The following ATXN10 variants were observed in gnomAD, a reference collection of about 807,000 sequenced individuals.
ATXN10 encodes the protein ataxin 10.
In ATXN10, 28 loss-of-function variants were observed where a neutral mutation model predicts 52.9. The ratio of observed to expected loss-of-function variants is 0.53; its 90% CI spans 0.39 to 0.73. ATXN10 has a LOEUF of 0.73. Ranked by LOEUF, ATXN10 falls within the 30% of genes least tolerant of loss-of-function variation. ATXN10 has a pLI of 0.00. For missense variants in ATXN10, 565 were observed against 577.0 expected, an observed-to-expected ratio of 0.98 and a Z score of 0.21; for synonymous variants, 226 against 221.5, an observed-to-expected ratio of 1.02 and a Z score of -0.18.
At position 45,843,202 on chromosome 22, in the gene ATXN10, C is replaced by A; in HGVS notation, c.1425+24C>A. On this transcript the variant is annotated intron_variant, in intron 11 of 11. Transcript: ENST00000252934. This position sits in a 1 kb window ranked among gnomAD's most constrained non-coding sequence, Gnocchi z 4.5. ...CAGTAAGTACCCTCGAGGGAACTGTCCTTCCCTTTGGTTTGTAGAAAGCTG... is the reference window on the plus strand; with the variant it reads ...CAGTAAGTACCCTCGAGGGAACTGTACTTCCCTTTGGTTTGTAGAAAGCTG... 1 of 1,611,894 alleles carries A rather than the reference C, an allele frequency of 6.2e-7. No homozygotes were observed. The highest frequency in any genetic ancestry group is 1.1e-5 in the South Asian group (1 of 90,974).
rs928133383 is a variant in ATXN10 at position 45,733,243 on chromosome 22, A to T, written c.894+3653A>T. On this transcript the variant is annotated intron_variant, in intron 7 of 11. Transcript: ENST00000252934. The surrounding 1 kb of genome is among the most constrained non-coding windows in gnomAD (Gnocchi z 4.4). ...TTTGCATTCTGTTTTAATCTTTGCA[A>T]CCCCAGGTTAGGCCATACTGTAGTA... 6.6e-6 allele frequency among the ~76,000 whole-genome samples: 1 copy of T among 151,960 alleles called. No homozygotes were observed. The highest frequency in any genetic ancestry group is 2.1e-4 in the South Asian group (1 of 4,824).
chr22:45,695,870 T>C (rs1923587310), intron 3 of ATXN10, among the ~76,000 whole-genome samples: 1 of 152,206 alleles, frequency 6.6e-6, no homozygotes, highest in African/African-American at 2.4e-5. Flanking sequence ...GATGGTCTTT[T>C]TTCACAGGTG....
intron 9 of ATXN10, among the ~76,000 whole-genome samples, chr22:45,751,751 A>AT (rs1323661369): frequency 1.8e-4 from 17 of 95,482 alleles, no homozygotes; most frequent in African/African-American, 4.8e-4. Context: ...AAAAAAAAAA[A>AT]AAATAAAAAA....
rs551902592 is a variant in ATXN10 at position 45,688,211 on chromosome 22, G to A, written c.117-1501G>A. Among the ~76,000 whole-genome samples, 7 of 152,248 alleles carry A rather than the reference G, an allele frequency of 4.6e-5. No individual in the cohort carries two copies. The highest frequency in any genetic ancestry group is 2.1e-4 in the South Asian group (1 of 4,826). ...TTCTTAATTTGGTCACTCAGTTGCC[G>A]AGACACTGAGTCAAAGTTTCATTAT... On this transcript the variant is annotated intron_variant, in intron 1 of 11. Transcript: ENST00000252934. This position sits in a 1 kb window ranked among gnomAD's most constrained non-coding sequence, Gnocchi z 4.0.
rs1024332134 is a variant in ATXN10 at position 45,835,534 on chromosome 22, C to T, written c.1238-7457C>T. Among the ~76,000 whole-genome samples, 4 of 152,210 alleles carry T rather than the reference C, an allele frequency of 2.6e-5. No individual in the cohort carries two copies. Among genetic ancestry groups the T allele is most frequent in the Non-Finnish European group, 4.4e-5 (3 of 68,034 alleles). ...AGTGAATGGGCCTTCGTTTCAGCATCTTTAATAAAGTACTGATTTGGGTTA... is the reference window on the plus strand; with the variant it reads ...AGTGAATGGGCCTTCGTTTCAGCATTTTTAATAAAGTACTGATTTGGGTTA... On this transcript the variant is annotated intron_variant, in intron 10 of 11. Coordinates refer to ENST00000252934, the MANE Select transcript of ATXN10 (RefSeq NM_013236.4). The surrounding 1 kb of genome is among the most constrained non-coding windows in gnomAD (Gnocchi z 5.0).
chr22:45,795,954 C>T lies in ATXN10; in HGVS notation c.1174-11005C>T, dbSNP rs1927722782. Among the ~76,000 whole-genome samples, 2 of 152,172 alleles carry T rather than the reference C, an allele frequency of 1.3e-5. No homozygotes were observed. Among genetic ancestry groups the T allele is most frequent in the Non-Finnish European group, 2.9e-5 (2 of 68,040 alleles). On this transcript the variant is annotated intron_variant, in intron 9 of 11. Transcript: ENST00000252934. The surrounding 1 kb of genome is among the most constrained non-coding windows in gnomAD (Gnocchi z 4.6). ...GTTTGAACAATATGAAATTTGGGCA[C>T]CTTGAAAAAGAACTGGGTAACAGCG...
At chr22:45,834,138 A>C (rs1451141631) in intron 10 of ATXN10, among the ~76,000 whole-genome samples, 1 of 152,190 alleles carries the variant, frequency 6.6e-6, no homozygotes, top group African/African-American at 2.4e-5. Context: ...TATTTTATGA[A>C]GGTAAACTGA....
At chr22:45,745,689 A>G (rs947834184) in intron 9 of ATXN10, among the ~76,000 whole-genome samples, 2 of 152,250 alleles carry the variant, frequency 1.3e-5, no homozygotes, top group Non-Finnish European at 2.9e-5. Flanking sequence ...TGTGTTGCTC[A>G]TCATGTTACT....
intron 9 of ATXN10, among the ~76,000 whole-genome samples, chr22:45,760,867 T>TA (rs1926363865): frequency 1.3e-5 from 2 of 152,106 alleles, no homozygotes; most frequent in Non-Finnish European, 2.9e-5. Context: ...TCCTCACTGA[T>TA]AAGAGCCCCA....
At chr22:45,676,531 G>T (rs972760791) in intron 1 of ATXN10, 3 of 151,150 alleles carry the variant, frequency 2.0e-5, no homozygotes, top group African/African-American at 7.3e-5. Context: ...CCAGGTTGGA[G>T]TGCAGTGGTG....
intron 5 of ATXN10, among the ~76,000 whole-genome samples, chr22:45,716,648 C>T (rs960287738): frequency 3.3e-5 from 5 of 151,878 alleles, no homozygotes; most frequent in Non-Finnish European, 7.4e-5. Context: ...TGGAATGTTT[C>T]TATTAATAAA....
At position 45,754,937 on chromosome 22, in the gene ATXN10, G is replaced by C. The variant is rs552568091; in HGVS notation, c.1173+14399G>C. On this transcript the variant is annotated intron_variant, in intron 9 of 11. Transcript: ENST00000252934. The surrounding 1 kb of genome is among the most constrained non-coding windows in gnomAD (Gnocchi z 5.4). ...GGTGCCAAGAGTATGAGAAGCATGA[G>C]GTCCATGCCTGTTCCTTCTCTGCCT... Among the ~76,000 whole-genome samples, 4 of 152,336 alleles carry C rather than the reference G, an allele frequency of 2.6e-5. No homozygotes were observed. The highest frequency in any genetic ancestry group is 4.4e-5 in the Non-Finnish European group (3 of 68,026).
At chr22:45,752,866 T>C (rs2146819082) in intron 9 of ATXN10, among the ~76,000 whole-genome samples, 1 of 152,206 alleles carries the variant, frequency 6.6e-6, no homozygotes, top group East Asian at 1.9e-4. Flanking sequence ...CCCGAGTAGC[T>C]GGGATTACAG....
At chr22:45,672,604 A>C (rs1435632034) in intron 1 of ATXN10, 2 of 152,768 alleles carry the variant, frequency 1.3e-5, no homozygotes, top group East Asian at 1.9e-4. Context: ...GGAATTGGGC[A>C]GTTGCGGGGA....
At chr22:45,817,727 G>C (rs534871241) in intron 10 of ATXN10, among the ~76,000 whole-genome samples, 36 of 152,234 alleles carry the variant, frequency 2.4e-4, no homozygotes, top group African/African-American at 7.5e-4. Flanking sequence ...TGCACACACA[G>C]AAGGTGATTT....
chr22:45,814,418 T>C (rs1928390128), intron 10 of ATXN10, among the ~76,000 whole-genome samples: 1 of 152,148 alleles, frequency 6.6e-6, no homozygotes, highest in Non-Finnish European at 1.5e-5. Context: ...CCACAACAAG[T>C]AACCACTAGA....
intron 10 of ATXN10, among the ~76,000 whole-genome samples, chr22:45,822,445 C>T (rs923408660): frequency 2.0e-5 from 3 of 151,472 alleles, no homozygotes; most frequent in Admixed American, 1.3e-4. Flanking sequence ...TTCTTGCCAA[C>T]ACTTGATGCA....
chr22:45,687,949 C>T (rs562967448), intron 1 of ATXN10, among the ~76,000 whole-genome samples: 12 of 152,094 alleles, frequency 7.9e-5, no homozygotes, highest in African/African-American at 2.2e-4. Flanking sequence ...CCCAGCTACT[C>T]GGGAGGCTGA....
rs1422754819 is a variant in ATXN10, at chr22:45,726,607, CT to C, written c.729-2814del. On this transcript the variant is annotated intron_variant, in intron 6 of 11. Transcript: ENST00000252934. ...TTTATTTATTTTTTCAAAGAACCAA[CT>C]TTTATATTTTGATCTTTTGTTTCGA... 2.0e-5 allele frequency among the ~76,000 whole-genome samples: 3 copies of C among 152,244 alleles called. No homozygotes were observed. The East Asian group carries it at 5.8e-4, about 29-fold the overall frequency.
Sources: gnomAD v4.1 joint callset for allele counts (sites outside exome capture counted in the v4.1 genomes callset) on GRCh38, gnomAD v4.1.1 for gene constraint, Gnocchi (gnomAD v3.1) non-coding constraint, MANE v1.5 for transcripts, NCBI Gene and HGNC (gene_info 2026-07-23, HGNC 2026-07-21) for gene names.